KCNIP4: variants seen among roughly 807,000 people sequenced by gnomAD.
KCNIP4 encodes the protein potassium voltage-gated channel interacting protein 4, also known as Kv channel-interacting protein 4.
KCNIP4 carries 12 observed loss-of-function variants against 34.0 expected under a neutral mutation model. The observed-to-expected ratio is 0.35, with a 90% CI of 0.23 to 0.57. The LOEUF (loss-of-function observed/expected upper bound fraction) is 0.57, where lower values mean the gene tolerates loss of function less well. KCNIP4 is among the 20% of genes least tolerant of loss of function. The probability of loss-of-function intolerance (pLI) is 0.83; values close to 1 mark genes in which losing one functional copy is unlikely to be tolerated. For synonymous variants in KCNIP4, 124 were observed against 102.2 expected (o/e 1.21, Z -1.29); for missense variants, 238 against 311.7 (o/e 0.76, Z 1.78).
intron 5 of KCNIP4, among the ~76,000 whole-genome samples, chr4:20,747,648 C>T (rs1387605700): frequency 3.9e-5 from 6 of 152,138 alleles, no homozygotes; most frequent in Non-Finnish European, 7.4e-5. Flanking sequence ...ATTCCTTCTC[C>T]ACTCTCAGCT....
At chr4:20,752,424 T>C (rs1753822522) in intron 4 of KCNIP4, 1 of 152,226 alleles carries the variant, frequency 6.6e-6, no homozygotes, top group Non-Finnish European at 1.5e-5. Flanking sequence ...TAATCCTATA[T>C]ACTTATTAAA....
At chr4:21,313,173 A>T (rs1436862695) in intron 1 of KCNIP4, among the ~76,000 whole-genome samples, 3 of 152,204 alleles carry the variant, frequency 2.0e-5, no homozygotes, top group Non-Finnish European at 4.4e-5. Flanking sequence ...TTGAAACAGG[A>T]TTATTTATGT....
chr4:21,816,786 G>A (rs1222333865), intron 1 of KCNIP4, among the ~76,000 whole-genome samples: 1 of 152,054 alleles, frequency 6.6e-6, no homozygotes, highest in Non-Finnish European at 1.5e-5. Flanking sequence ...TTTAAATCAG[G>A]TAGCAAAATC....
chr4:20,840,410 A>G (rs986096113), intron 3 of KCNIP4, among the ~76,000 whole-genome samples: 2 of 152,162 alleles, frequency 1.3e-5, no homozygotes, highest in Non-Finnish European at 1.5e-5. Context: ...TCATTTGGAG[A>G]AAATAAAATT....
intron 1 of KCNIP4, among the ~76,000 whole-genome samples, chr4:20,984,358 C>T (rs910068745): frequency 8.5e-5 from 13 of 152,350 alleles, no homozygotes; most frequent in Admixed American, 2.6e-4. Flanking sequence ...GCAGATCTGT[C>T]TGCGCGCTAG....
chr4:21,832,716 A>G (rs1160379105), intron 1 of KCNIP4, among the ~76,000 whole-genome samples: 2 of 142,200 alleles, frequency 1.4e-5, no homozygotes, highest in Non-Finnish European at 3.0e-5. Context: ...CATTAGGTAT[A>G]TCTCCCAATG....
chr4:21,013,879 T>C (rs1739276745), intron 1 of KCNIP4, among the ~76,000 whole-genome samples: 1 of 152,164 alleles, frequency 6.6e-6, no homozygotes, highest in Non-Finnish European at 1.5e-5. Flanking sequence ...TGGAGTGAAA[T>C]CGGTAATTCT....
At chr4:21,381,895 C>T (rs896661095) in intron 1 of KCNIP4, among the ~76,000 whole-genome samples, 3 of 152,116 alleles carry the variant, frequency 2.0e-5, no homozygotes, top group African/African-American at 7.2e-5. Context: ...CCACATATCA[C>T]CAATGGTCTA....
intron 3 of KCNIP4, among the ~76,000 whole-genome samples, chr4:20,837,686 A>ATATAT (rs1350419753): frequency 3.4e-5 from 4 of 117,394 alleles, no homozygotes; most frequent in East Asian, 2.4e-4. Context: ...ATATATATAT[A>ATATAT]TTTTTTTTTC....
intron 3 of KCNIP4, among the ~76,000 whole-genome samples, chr4:20,781,973 A>G (rs1756913615): frequency 2.6e-5 from 4 of 152,216 alleles, no homozygotes. Context: ...ATGGGAGTAC[A>G]GGTATTAGGT....
chr4:21,078,847 C>A lies in KCNIP4; in HGVS notation c.62-196138G>T, dbSNP rs1458512729. Among the ~76,000 whole-genome samples, 4 of 151,978 alleles carry A rather than the reference C, an allele frequency of 2.6e-5. No homozygotes were observed. In the South Asian group the frequency reaches 6.2e-4, roughly 24 times the overall value. On this transcript the variant is annotated intron_variant, in intron 1 of 8. Coordinates refer to ENST00000382152, the MANE Select transcript of KCNIP4 (RefSeq NM_025221.6). ...TCTCTTGTCCCTGTACTCACTCTGC[C>A]CCTGGGGAGGCGAATTATTTATTTG...
At chr4:21,624,193 G>A (rs540492012) in intron 1 of KCNIP4, among the ~76,000 whole-genome samples, 1 of 152,196 alleles carries the variant, frequency 6.6e-6, no homozygotes, top group Admixed American at 6.5e-5. Flanking sequence ...CAAGTGACTT[G>A]AACTCCCAAG....
At chr4:20,911,686 C>T (rs759203737) in intron 1 of KCNIP4, among the ~76,000 whole-genome samples, 3 of 152,156 alleles carry the variant, frequency 2.0e-5, no homozygotes, top group Non-Finnish European at 2.9e-5. Context: ...TATTCCTTTT[C>T]GCTGTTATAA....
intron 1 of KCNIP4, among the ~76,000 whole-genome samples, chr4:21,018,422 T>C (rs1275061566): frequency 1.3e-5 from 2 of 152,192 alleles, no homozygotes; most frequent in African/African-American, 4.8e-5. Flanking sequence ...AAGGAGGCAA[T>C]TGAATCTGGG....
intron 1 of KCNIP4, among the ~76,000 whole-genome samples, chr4:21,818,400 T>C (rs1195883863): frequency 6.6e-6 from 1 of 152,222 alleles, no homozygotes; most frequent in Non-Finnish European, 1.5e-5. Context: ...TTTATATGTT[T>C]GTACATTTCT....
At chr4:21,632,315 G>C (rs888328970) in intron 1 of KCNIP4, among the ~76,000 whole-genome samples, 1 of 152,120 alleles carries the variant, frequency 6.6e-6, no homozygotes, top group South Asian at 2.1e-4. Context: ...CCGGGTTCAA[G>C]GGATCCTCCT....
At chr4:21,820,283 GTGTATA>G (rs372506963) in intron 1 of KCNIP4, among the ~76,000 whole-genome samples, 7,820 of 127,290 alleles carry the variant, frequency 0.061, 350 homozygotes, top group Admixed American at 0.096. Context: ...ATGTGTGTGT[GTGTATA>G]TATATATATA....
chr4:20,905,509 C>CTTTCTTTTTTTTTTTT (rs71655610), intron 1 of KCNIP4, among the ~76,000 whole-genome samples: 47 of 72,800 alleles, frequency 6.5e-4, no homozygotes, highest in Non-Finnish European at 8.8e-4. Context: ...CGTTTTCTTT[C>CTTTCTTTTTTTTTTTT]TTTTTTTTTT....
intron 1 of KCNIP4, among the ~76,000 whole-genome samples, chr4:21,832,584 A>AT (rs5856672): frequency 8.6e-5 from 13 of 150,450 alleles, no homozygotes; most frequent in African/African-American, 2.9e-4. Flanking sequence ...TATTTTTTTT[A>AT]TTTTTTTTTT....
Sources: gnomAD v4.1 joint callset for allele counts (sites outside exome capture counted in the v4.1 genomes callset) on GRCh38, gnomAD v4.1.1 for gene constraint, MANE v1.5 for transcripts, NCBI Gene and HGNC (gene_info 2026-07-23, HGNC 2026-07-21) for gene names.